The following ESRRG variants were observed in gnomAD, a reference collection of about 807,000 sequenced individuals.
ESRRG encodes estrogen-related receptor gamma.
A neutral mutation model predicts 44.0 loss-of-function variants in ESRRG; 13 were observed. The observed-to-expected ratio is 0.30, with a 90% CI of 0.19 to 0.47. The LOEUF (loss-of-function observed/expected upper bound fraction) is 0.47, where lower values mean the gene tolerates loss of function less well. Ranked by LOEUF, ESRRG falls within the 20% of genes least tolerant of loss-of-function variation. The pLI is 1.00. For synonymous variants in ESRRG, 215 were observed against 214.6 expected (o/e 1.00, Z -0.02); for missense variants, 395 against 580.6 (o/e 0.68, Z 3.29).
chr1:216,884,276 TTAGA>T (rs971090940), intron 2 of ESRRG, among the ~76,000 whole-genome samples: 3 of 152,208 alleles, frequency 2.0e-5, no homozygotes, highest in Non-Finnish European at 4.4e-5. Flanking sequence ...CAAAAAAGAC[TTAGA>T]TAGCAGGGCA....
intron 2 of ESRRG, among the ~76,000 whole-genome samples, chr1:216,877,133 C>A (rs2096367753): frequency 6.6e-6 from 1 of 152,012 alleles, no homozygotes. Flanking sequence ...TTCAGATCCC[C>A]CAATTGTACT....
intron 1 of ESRRG, among the ~76,000 whole-genome samples, chr1:217,125,802 T>G (rs1019500143): frequency 6.6e-6 from 1 of 152,226 alleles, no homozygotes; most frequent in Non-Finnish European, 1.5e-5. Flanking sequence ...GACAACTTCT[T>G]CTTTCCTCTC....
chr1:216,812,505 T>C (rs918680778), intron 2 of ESRRG, among the ~76,000 whole-genome samples: 5 of 152,256 alleles, frequency 3.3e-5, no homozygotes, highest in African/African-American at 9.6e-5. Flanking sequence ...AGAATAACTA[T>C]TTTTGACCAC....
intron 2 of ESRRG, among the ~76,000 whole-genome samples, chr1:216,739,598 C>T (rs1379738087): frequency 6.6e-6 from 1 of 152,118 alleles, no homozygotes. Flanking sequence ...CCCTGCCACC[C>T]CAGAGAAACC....
At chr1:216,758,350 G>A (rs569410473) in intron 2 of ESRRG, among the ~76,000 whole-genome samples, 1 of 151,946 alleles carries the variant, frequency 6.6e-6, no homozygotes, top group Non-Finnish European at 1.5e-5. Flanking sequence ...TCCACCATTC[G>A]GCTGCAGTTA....
At chr1:216,836,413 C>T (rs1344990938) in intron 2 of ESRRG, among the ~76,000 whole-genome samples, 1 of 152,130 alleles carries the variant, frequency 6.6e-6, no homozygotes, top group Admixed American at 6.5e-5. Flanking sequence ...AGTTGAAACC[C>T]ATCAGCAGTA....
Position 216,943,638 on chromosome 1 carries a change from GC to G in ESRRG, c.-105-3966del, listed in dbSNP as rs1444504428. Among the ~76,000 whole-genome samples, 60 of 152,198 alleles carry G rather than the reference GC, an allele frequency of 3.9e-4. 2 individuals carry two copies. In the South Asian group the frequency reaches 0.012, roughly 30 times the overall value. On this transcript the variant is annotated intron_variant, in intron 1 of 7. Transcript: ENST00000359162. ...CTACTTACTACACACACATACAAAA[GC>G]CTGAACAGCATATACTCTCAAAAAG...
chr1:217,125,353 T>C (rs1558289127), intron 1 of ESRRG, among the ~76,000 whole-genome samples: 1 of 152,194 alleles, frequency 6.6e-6, no homozygotes, highest in Non-Finnish European at 1.5e-5. Flanking sequence ...TCTCAGATAT[T>C]TGCAGTACAT....
chr1:217,098,631 A>G (rs1195339446), intron 1 of ESRRG, among the ~76,000 whole-genome samples: 1 of 152,150 alleles, frequency 6.6e-6, no homozygotes. Context: ...GGAAAACAGG[A>G]AGAAAAGGAG....
At position 217,064,432 on chromosome 1, in the gene ESRRG, T is replaced by G. The variant is rs542047348; in HGVS notation, c.-106+25075A>C. Among the ~76,000 whole-genome samples the G allele has an allele frequency of 4.6e-5, 7 of 152,288 alleles. No homozygotes were observed. In the East Asian group the frequency reaches 1.4e-3, roughly 29 times the overall value. Reference sequence around the variant, plus strand: ...CTGAGGCTGAATGATGCTAAGTAACTTGATCCACAGTCACATGCTAATAAG... The same window carrying G: ...CTGAGGCTGAATGATGCTAAGTAACGTGATCCACAGTCACATGCTAATAAG... On this transcript the variant is annotated intron_variant, in intron 1 of 7. Coordinates refer to the ESRRG transcript ENST00000359162.
intron 5 of ESRRG, among the ~76,000 whole-genome samples, chr1:216,559,404 G>A (rs2058262277): frequency 6.6e-6 from 1 of 152,198 alleles, no homozygotes; most frequent in Non-Finnish European, 1.5e-5. Flanking sequence ...ATGGGATGCA[G>A]CAGAGGGTGG....
At chr1:216,565,589 C>T (rs1351227924) in intron 4 of ESRRG, among the ~76,000 whole-genome samples, 2 of 152,036 alleles carry the variant, frequency 1.3e-5, no homozygotes, top group African/African-American at 4.8e-5. Flanking sequence ...GTGGCTTGTC[C>T]AAGCTATAAT....
At chr1:216,586,254 A>G (rs970657589) in intron 3 of ESRRG, among the ~76,000 whole-genome samples, 30 of 152,294 alleles carry the variant, frequency 2.0e-4, no homozygotes, top group Non-Finnish European at 4.3e-4. Context: ...TTTCTTTACC[A>G]AAACAAATTT....
intron 5 of ESRRG, among the ~76,000 whole-genome samples, chr1:216,521,279 G>T (rs534884876): frequency 1.3e-5 from 2 of 152,196 alleles, no homozygotes; most frequent in African/African-American, 4.8e-5. Context: ...AACCTAAATA[G>T]GTTAGGCTCC....
chr1:216,741,511 A>G (rs910969984), intron 2 of ESRRG, among the ~76,000 whole-genome samples: 31 of 150,840 alleles, frequency 2.1e-4, no homozygotes, highest in African/African-American at 7.5e-4. Context: ...ACTCAGAAAG[A>G]TCACCTCCTC....
chr1:216,838,932 T>C (rs1224641555), intron 2 of ESRRG, among the ~76,000 whole-genome samples: 1 of 152,102 alleles, frequency 6.6e-6, no homozygotes, highest in Non-Finnish European at 1.5e-5. Context: ...ATTAGAGTGG[T>C]GGTTGCTGAA....
At chr1:216,715,461 T>A (rs2084648404) in intron 1 of ESRRG, among the ~76,000 whole-genome samples, 3 of 152,176 alleles carry the variant, frequency 2.0e-5, no homozygotes, top group Non-Finnish European at 4.4e-5. Context: ...TTAAAAATTA[T>A]CAGAATATTC....
In ESRRG at chr1:216,621,297, T is replaced by A. The variant is rs370047860; in HGVS notation, c.589+29676A>T. Among the ~76,000 whole-genome samples the A allele has an allele frequency of 3.9e-5, 6 of 152,314 alleles. No homozygotes were observed. The South Asian group carries it at 6.2e-4, about 16-fold the overall frequency. ...ATGCCTGTCTAGTTCATGGCACTACTAAAAGAACCATCCCAGTGATCTGTG... is the reference window on the plus strand; with the variant it reads ...ATGCCTGTCTAGTTCATGGCACTACAAAAAGAACCATCCCAGTGATCTGTG... On this transcript the variant is annotated intron_variant, in intron 3 of 6. Transcript: ENST00000408911.
rs2086786284 is a variant in ESRRG, at chr1:216,723,353, G to A, written c.-54C>T. 6.4e-7 allele frequency: 1 copy of A among 1,551,972 alleles called. No homozygotes were observed. The highest frequency in any genetic ancestry group is 1.7e-5 in the Admixed American group (1 of 59,918). On this transcript the variant is annotated 5_prime_UTR_variant, in exon 1 of 7. Coordinates refer to ENST00000408911, the MANE Select transcript of ESRRG (RefSeq NM_001438.4). ...CCCAGCTATAAATCAAAGTTTCCTT[G>A]ACAGAGCACAGTGCAATTAACACAA... is the stretch of plus-strand genomic sequence containing the variant.
Sources: allele counts gnomAD v4.1 joint callset (sites outside exome capture counted in the v4.1 genomes callset), GRCh38; gene constraint gnomAD v4.1.1; transcripts MANE v1.5; gene names NCBI Gene and HGNC (gene_info 2026-07-23, HGNC 2026-07-21).